Variants in VWA8 observed in about 807,000 individuals in gnomAD.
VWA8 encodes von Willebrand factor A domain containing 8.
Under a neutral mutation model 241.5 loss-of-function variants are expected in VWA8, and 221 were observed. The ratio of observed to expected loss-of-function variants is 0.91; its 90% CI spans 0.82 to 1.02. The LOEUF is 1.02. Among genes scored for constraint, VWA8 ranks in the 50% least tolerant of loss-of-function variants. The pLI is 0.00. For missense variants in VWA8, 2,322 were observed against 2,328.7 expected, an observed-to-expected ratio of 1.00 and a Z score of 0.06; for synonymous variants, 852 against 827.1, an observed-to-expected ratio of 1.03 and a Z score of -0.52.
intron 37 of VWA8, among the ~76,000 whole-genome samples, chr13:41,633,289 T>C (rs1203257620): frequency 2.6e-5 from 4 of 152,198 alleles, no homozygotes. Flanking sequence ...GGTGTAAACA[T>C]CTGGAGGGAA....
chr13:41,668,065 G>GA (rs1017292720), intron 37 of VWA8, among the ~76,000 whole-genome samples: 2 of 152,208 alleles, frequency 1.3e-5, no homozygotes, highest in Admixed American at 1.3e-4. Context: ...CCAGAAGGCT[G>GA]AAATGTAGCA....
chr13:41,835,457 T>C (rs1323130856), intron 12 of VWA8, among the ~76,000 whole-genome samples: 3 of 152,198 alleles, frequency 2.0e-5, no homozygotes, highest in African/African-American at 2.4e-5. Flanking sequence ...ATGCAAATTA[T>C]ATGAGCAATA....
At chr13:41,750,486 A>AAAG (rs557966166) in intron 21 of VWA8, among the ~76,000 whole-genome samples, 2,047 of 121,320 alleles carry the variant, frequency 0.017, 28 homozygotes, top group Middle Eastern at 0.063. Context: ...AAAAAGGAAA[A>AAAG]AAAGAAAGGA....
intron 37 of VWA8, among the ~76,000 whole-genome samples, chr13:41,642,923 T>C (rs1283271216): frequency 6.6e-6 from 1 of 151,642 alleles, no homozygotes; most frequent in Non-Finnish European, 1.5e-5. Flanking sequence ...AGCAACACTC[T>C]GACTCAAAAA....
At chr13:41,574,648 C>T (rs1439559630) in intron 43 of VWA8, among the ~76,000 whole-genome samples, 7 of 152,136 alleles carry the variant, frequency 4.6e-5, no homozygotes, top group Admixed American at 3.9e-4. Context: ...AATCTGAAGG[C>T]ATCACATTAC....
chr13:41,741,563 A>G (rs2045569519), intron 21 of VWA8, among the ~76,000 whole-genome samples: 1 of 152,224 alleles, frequency 6.6e-6, no homozygotes, highest in South Asian at 2.1e-4. Context: ...TCTCCTTGAC[A>G]AGGCATACTG....
At chr13:41,627,018 C>T (rs2044696349) in intron 37 of VWA8, among the ~76,000 whole-genome samples, 1 of 152,046 alleles carries the variant, frequency 6.6e-6, no homozygotes, top group African/African-American at 2.4e-5. Flanking sequence ...GCAAACTATG[C>T]ATCCAACAAA....
intron 16 of VWA8, 44 bp downstream of exon 16, chr13:41,816,654 G>T: frequency 6.5e-7 from 1 of 1,531,026 alleles, no homozygotes; most frequent in Admixed American, 1.9e-5. Context: ...AAAACCAGCA[G>T]CATGTCAACA....
At chr13:41,728,977 T>G (rs2045459219) in intron 23 of VWA8, among the ~76,000 whole-genome samples, 1 of 152,084 alleles carries the variant, frequency 6.6e-6, no homozygotes, top group African/African-American at 2.4e-5. Context: ...TGCATCAAAC[T>G]TAATTGTTCC....
At chr13:41,819,112 G>T in intron 15 of VWA8, 106 bp downstream of exon 15, 2 of 1,188,016 alleles carry the variant, frequency 1.7e-6, no homozygotes, top group Non-Finnish European at 2.3e-6. Context: ...GGAGTAAATG[G>T]GAAGAAAAAA....
intron 13 of VWA8, 64 bp downstream of exon 13, chr13:41,833,307 A>C: frequency 6.7e-7 from 1 of 1,499,152 alleles, no homozygotes; most frequent in Non-Finnish European, 8.9e-7. Flanking sequence ...AGATAGTTCC[A>C]TCTTTACTGC....
chr13:41,879,861 A>C (rs912074003), intron 9 of VWA8, among the ~76,000 whole-genome samples: 1 of 152,216 alleles, frequency 6.6e-6, no homozygotes, highest in African/African-American at 2.4e-5. Flanking sequence ...TGAAGGTTCT[A>C]TACAGAAAGC....
chr13:41,744,157 A>G (rs2045587454), intron 21 of VWA8, among the ~76,000 whole-genome samples: 1 of 152,222 alleles, frequency 6.6e-6, no homozygotes, highest in South Asian at 2.1e-4. Context: ...CTCCCTGTGA[A>G]GAGGCTGAGG....
At chr13:41,771,277 C>A (rs1182892271) in intron 20 of VWA8, among the ~76,000 whole-genome samples, 1 of 152,124 alleles carries the variant, frequency 6.6e-6, no homozygotes, top group East Asian at 1.9e-4. Flanking sequence ...CAAGTACCAC[C>A]ACATCCAGCT....
intron 40 of VWA8, among the ~76,000 whole-genome samples, chr13:41,593,917 T>C (rs1265392235): frequency 6.6e-6 from 1 of 152,074 alleles, no homozygotes; most frequent in Non-Finnish European, 1.5e-5. Flanking sequence ...TGGAATGAAA[T>C]TGTATATAAC....
chr13:41,932,853 A>G (rs1877186864), intron 2 of VWA8, among the ~76,000 whole-genome samples: 1 of 151,992 alleles, frequency 6.6e-6, no homozygotes, highest in Admixed American at 6.5e-5. Flanking sequence ...ACCTTTACCT[A>G]ACCTACTTAA....
At chr13:41,667,362 A>G (rs1357675003) in intron 37 of VWA8, among the ~76,000 whole-genome samples, 1 of 152,170 alleles carries the variant, frequency 6.6e-6, no homozygotes, top group Non-Finnish European at 1.5e-5. Flanking sequence ...ATTTCTTTCT[A>G]TGCCTCACTC....
At chr13:41,855,095 G>A (rs568544047) in intron 12 of VWA8, among the ~76,000 whole-genome samples, 91 of 152,056 alleles carry the variant, frequency 6.0e-4, no homozygotes, top group African/African-American at 2.0e-3. Flanking sequence ...TAAAAAATGT[G>A]AAATAGGGGG....
At chr13:41,884,158 G>T (rs1266985470) in intron 8 of VWA8, among the ~76,000 whole-genome samples, 1 of 152,128 alleles carries the variant, frequency 6.6e-6, no homozygotes, top group Admixed American at 6.5e-5. Flanking sequence ...GTTGCATACT[G>T]ATATGGTTTG....
Sources: gnomAD v4.1 joint callset for allele counts (sites outside exome capture counted in the v4.1 genomes callset) on GRCh38, gnomAD v4.1.1 for gene constraint, MANE v1.5 for transcripts, NCBI Gene and HGNC (gene_info 2026-07-23, HGNC 2026-07-21) for gene names.